Variants in DGKI observed in about 807,000 individuals in gnomAD.
DGKI encodes diacylglycerol kinase iota, also known as DAG kinase iota.
In DGKI, 55 loss-of-function variants were observed where a neutral mutation model predicts 147.5. That is an observed-to-expected ratio of 0.37 (90% CI 0.30 to 0.47). DGKI has a LOEUF of 0.47. Ranked by LOEUF, DGKI falls within the 20% of genes least tolerant of loss-of-function variation. The pLI is 1.00. For synonymous variants in DGKI, 469 were observed against 477.1 expected, an observed-to-expected ratio of 0.98 and a Z score of 0.22; for missense variants, 1,007 against 1,323.8, an observed-to-expected ratio of 0.76 and a Z score of 3.71.
intron 1 of DGKI, among the ~76,000 whole-genome samples, chr7:137,826,729 G>C (rs1718150948): frequency 6.6e-6 from 1 of 152,096 alleles, no homozygotes. Flanking sequence ...GGGGGCGGCG[G>C]GGGCAGGCGA....
chr7:137,424,769 C>A (rs547286497), intron 28 of DGKI, among the ~76,000 whole-genome samples: 120 of 152,304 alleles, frequency 7.9e-4, no homozygotes, highest in Non-Finnish European at 1.3e-3. Context: ...CCTACGCCCA[C>A]GGAATCTCGC....
At chr7:137,809,821 T>C (rs765455502) in intron 1 of DGKI, among the ~76,000 whole-genome samples, 1 of 152,040 alleles carries the variant, frequency 6.6e-6, no homozygotes, top group East Asian at 1.9e-4. Flanking sequence ...AGAGGATAAC[T>C]TGAGCTGAGG....
intron 10 of DGKI, among the ~76,000 whole-genome samples, chr7:137,608,226 C>A (rs1167476402): frequency 2.0e-5 from 3 of 152,074 alleles, no homozygotes; most frequent in Non-Finnish European, 2.9e-5. Context: ...AAAATATTTT[C>A]TCATCCAAAC....
At position 137,677,625 on chromosome 7, in the gene DGKI, G is replaced by A. The variant is rs750108594; in HGVS notation, c.606+932C>T. Among the ~76,000 whole-genome samples the A allele has an allele frequency of 2.6e-5, 4 of 152,080 alleles. No homozygotes were observed. The East Asian group carries it at 5.8e-4, about 22-fold the overall frequency. ...CTTCTATAAGCTTTGATGGAAACTCGATTTATTCCATATTGGTTATTAACA... is the reference window on the plus strand; with the variant it reads ...CTTCTATAAGCTTTGATGGAAACTCAATTTATTCCATATTGGTTATTAACA... On this transcript the variant is annotated intron_variant, in intron 3 of 32. Transcript: ENST00000614521.
chr7:137,485,479 C>T (rs546721246), intron 22 of DGKI, 61 bp from the exon 23 acceptor site: 1 of 1,315,428 alleles, frequency 7.6e-7, no homozygotes, highest in Admixed American at 2.0e-5. Flanking sequence ...AGCTGCCCCA[C>T]AACTCAATCT....
chr7:137,706,633 T>C (rs1416337005), intron 1 of DGKI, among the ~76,000 whole-genome samples: 1 of 151,258 alleles, frequency 6.6e-6, no homozygotes, highest in African/African-American at 2.4e-5. Context: ...AGTGCAATGG[T>C]GCAATTTTGG....
chr7:137,421,198 C>G (rs148988377), intron 28 of DGKI, among the ~76,000 whole-genome samples: 1 of 152,158 alleles, frequency 6.6e-6, no homozygotes, highest in East Asian at 1.9e-4. Context: ...TCTCACATGG[C>G]TACCTTCTCA....
At chr7:137,467,001 A>G in intron 24 of DGKI, 59 bp from the exon 25 acceptor site, 5 of 1,540,614 alleles carry the variant, frequency 3.2e-6, no homozygotes, top group African/African-American at 1.4e-5. Flanking sequence ...CACCAAATTT[A>G]TAACCTTCTC....
chr7:137,741,924 T>A (rs1795183388), intron 1 of DGKI, among the ~76,000 whole-genome samples: 1 of 151,566 alleles, frequency 6.6e-6, no homozygotes, highest in African/African-American at 2.4e-5. Context: ...ATAAATACAA[T>A]GTAAAAAAAA....
At chr7:137,719,209 G>A (rs1794473321) in intron 1 of DGKI, among the ~76,000 whole-genome samples, 1 of 152,102 alleles carries the variant, frequency 6.6e-6, no homozygotes, top group Non-Finnish European at 1.5e-5. Context: ...ATCCCTTGAT[G>A]GAATTACAGC....
intron 21 of DGKI, among the ~76,000 whole-genome samples, chr7:137,502,593 C>G (rs1816216939): frequency 6.6e-6 from 1 of 151,904 alleles, no homozygotes; most frequent in South Asian, 2.1e-4. Flanking sequence ...AAAAAATAAC[C>G]TACGTTCACA....
chr7:137,824,207 T>G (rs1251221580), intron 1 of DGKI, among the ~76,000 whole-genome samples: 2 of 152,092 alleles, frequency 1.3e-5, no homozygotes, highest in East Asian at 3.9e-4. Flanking sequence ...AATGAAAGTA[T>G]GGGAGAGACT....
intron 21 of DGKI, among the ~76,000 whole-genome samples, chr7:137,495,730 T>C (rs1397212618): frequency 6.6e-6 from 1 of 151,928 alleles, no homozygotes; most frequent in Non-Finnish European, 1.5e-5. Flanking sequence ...TCAACAGATG[T>C]AGAAAGGGCT....
intron 1 of DGKI, among the ~76,000 whole-genome samples, chr7:137,777,125 G>A (rs1031434482): frequency 4.6e-5 from 7 of 152,148 alleles, no homozygotes; most frequent in Non-Finnish European, 8.8e-5. Context: ...CCAGGAGTTT[G>A]AGGCTGCAGT....
At chr7:137,841,932 AT>A (rs1305249678) in intron 1 of DGKI, among the ~76,000 whole-genome samples, 5 of 152,198 alleles carry the variant, frequency 3.3e-5, no homozygotes, top group Non-Finnish European at 5.9e-5. Flanking sequence ...AATAGTGTCA[AT>A]CTCCCAGGTA....
At chr7:137,570,251 G>T (rs530103943) in intron 19 of DGKI, among the ~76,000 whole-genome samples, 117 of 152,142 alleles carry the variant, frequency 7.7e-4, no homozygotes, top group African/African-American at 2.7e-3. Flanking sequence ...AATTTTAACT[G>T]GTCCGCACAT....
chr7:137,532,204 G>T (rs561084426), intron 20 of DGKI, among the ~76,000 whole-genome samples: 1 of 152,086 alleles, frequency 6.6e-6, no homozygotes, highest in Non-Finnish European at 1.5e-5. Context: ...GCTACAGGAC[G>T]CATTACTACT....
At chr7:137,731,694 G>A (rs899827674) in intron 1 of DGKI, among the ~76,000 whole-genome samples, 2 of 152,058 alleles carry the variant, frequency 1.3e-5, no homozygotes, top group African/African-American at 4.8e-5. Flanking sequence ...TCTGGAACTA[G>A]TTGTTCCTCA....
At chr7:137,433,995 T>A (rs1269714044) in intron 28 of DGKI, among the ~76,000 whole-genome samples, 1 of 151,932 alleles carries the variant, frequency 6.6e-6, no homozygotes. Context: ...AGCACACACC[T>A]GTAATTCCAG....
Sources: gnomAD v4.1 joint callset for allele counts (sites outside exome capture counted in the v4.1 genomes callset) on GRCh38, gnomAD v4.1.1 for gene constraint, MANE v1.5 for transcripts, NCBI Gene and HGNC (gene_info 2026-07-23, HGNC 2026-07-21) for gene names.